Variants in ZNF148 observed in about 807,000 individuals in gnomAD.
ZNF148 encodes the protein zinc finger protein 148.
A neutral mutation model predicts 67.7 loss-of-function variants in ZNF148; 7 were observed. The ratio of observed to expected loss-of-function variants is 0.10; its 90% CI spans 0.06 to 0.19. The LOEUF (loss-of-function observed/expected upper bound fraction) is 0.19. Among genes scored for constraint, ZNF148 ranks in the 10% least tolerant of loss-of-function variants. The pLI is 1.00. For missense variants in ZNF148, 583 were observed against 947.1 expected (o/e 0.62, Z 5.05); for synonymous variants, 333 against 330.7 (o/e 1.01, Z -0.08).
chr3:125,246,684 C>T (rs981987230), intron 7 of ZNF148, among the ~76,000 whole-genome samples: 7 of 152,128 alleles, frequency 4.6e-5, no homozygotes, highest in African/African-American at 1.7e-4. Flanking sequence ...ATTGATTATA[C>T]GTACATACTG....
intron 7 of ZNF148, among the ~76,000 whole-genome samples, chr3:125,270,814 T>C (rs1403374608): frequency 1.3e-5 from 2 of 152,148 alleles, no homozygotes; most frequent in African/African-American, 2.4e-5. Context: ...AGGTGGAGGC[T>C]GCAGTGAGCT....
chr3:125,279,536 G>A (rs574849586), intron 5 of ZNF148, among the ~76,000 whole-genome samples: 139 of 152,228 alleles, frequency 9.1e-4, no homozygotes, highest in Middle Eastern at 3.4e-3. Context: ...GAGTTCCTAA[G>A]TCTTCAGTTA....
intron 3 of ZNF148, chr3:125,314,983 G>A (rs1940414310): frequency 6.6e-6 from 1 of 152,450 alleles, no homozygotes; most frequent in Non-Finnish European, 1.5e-5. Context: ...GATGGCTTGA[G>A]CCCAGGATGT....
intron 1 of ZNF148, among the ~76,000 whole-genome samples, chr3:125,364,598 C>T (rs932129288): frequency 1.3e-5 from 2 of 151,966 alleles, no homozygotes; most frequent in Non-Finnish European, 2.9e-5. Flanking sequence ...TCCACTTATA[C>T]AAAATTCAAA....
At chr3:125,240,721 G>A (rs749074518) in intron 7 of ZNF148, among the ~76,000 whole-genome samples, 8 of 149,650 alleles carry the variant, frequency 5.3e-5, no homozygotes, top group South Asian at 2.1e-4. Flanking sequence ...CTGTGATTGC[G>A]CCACTGCATT....
At chr3:125,264,567 T>A (rs1240035596) in intron 7 of ZNF148, among the ~76,000 whole-genome samples, 1 of 152,172 alleles carries the variant, frequency 6.6e-6, no homozygotes, top group Non-Finnish European at 1.5e-5. Flanking sequence ...AATTGACTAT[T>A]GATGTTGATA....
At chr3:125,363,616 T>G (rs1197860595) in intron 1 of ZNF148, among the ~76,000 whole-genome samples, 5 of 152,048 alleles carry the variant, frequency 3.3e-5, no homozygotes, top group Non-Finnish European at 1.5e-5. Flanking sequence ...CTCCTTTTAT[T>G]CCCACTATGA....
At chr3:125,338,421 A>C (rs1025703552) in intron 1 of ZNF148, among the ~76,000 whole-genome samples, 6 of 152,134 alleles carry the variant, frequency 3.9e-5, no homozygotes, top group Admixed American at 3.9e-4. Flanking sequence ...TGCCCACTTA[A>C]AAATTAAAGT....
intron 4 of ZNF148, among the ~76,000 whole-genome samples, chr3:125,289,496 G>A (rs901385643): frequency 1.3e-5 from 2 of 152,142 alleles, no homozygotes; most frequent in African/African-American, 2.4e-5. Flanking sequence ...TTCTGGCTTC[G>A]TTGGTATCAA....
In ZNF148 at chr3:125,230,630, T is replaced by C. The variant is rs1420501392; in HGVS notation, c.*1711A>G. The C allele has an allele frequency of 6.6e-6, 1 of 152,408 alleles. No individual in the cohort carries two copies. The highest frequency in any genetic ancestry group is 1.5e-5 in the Non-Finnish European group (1 of 67,956). 9.4% of individuals were successfully genotyped at this position (152,408 alleles called of 1,614,324 possible). A position where few individuals can be genotyped will look rare whatever the true frequency, so the allele number is the denominator to read the frequency against. On this transcript the variant is annotated 3_prime_UTR_variant, in exon 9 of 9. Transcript: ENST00000360647. ...TTATGAGAACAGTCTTGGGATAACA[T>C]TAAATAAAAGAAAAAATAATTTAAA...
chr3:125,290,640 A>G (rs562431595), intron 4 of ZNF148, among the ~76,000 whole-genome samples: 21 of 152,326 alleles, frequency 1.4e-4, no homozygotes, highest in African/African-American at 2.4e-4. Context: ...CTAAAATACT[A>G]TAACAAAAAC....
At chr3:125,342,067 CA>C (rs1254048821) in intron 1 of ZNF148, among the ~76,000 whole-genome samples, 6 of 150,810 alleles carry the variant, frequency 4.0e-5, no homozygotes, top group Non-Finnish European at 8.8e-5. Flanking sequence ...AGAATTCACC[CA>C]ATCTGAACAA....
chr3:125,242,091 G>A (rs1936390727), intron 7 of ZNF148, among the ~76,000 whole-genome samples: 1 of 152,114 alleles, frequency 6.6e-6, no homozygotes, highest in South Asian at 2.1e-4. Context: ...TAAGAAGGTT[G>A]GTCTTTTGTC....
intron 1 of ZNF148, among the ~76,000 whole-genome samples, chr3:125,350,369 T>G (rs1942099560): frequency 6.6e-6 from 1 of 152,212 alleles, no homozygotes. Context: ...TTCACCATGT[T>G]GGCCAGGCGG....
At chr3:125,314,406 T>C (rs927126546) in intron 3 of ZNF148, among the ~76,000 whole-genome samples, 1 of 152,214 alleles carries the variant, frequency 6.6e-6, no homozygotes, top group Non-Finnish European at 1.5e-5. Context: ...GTCAATACCA[T>C]AACGAAAATG....
chr3:125,342,148 C>T (rs1397670482), intron 1 of ZNF148, among the ~76,000 whole-genome samples: 6 of 148,746 alleles, frequency 4.0e-5, no homozygotes, highest in African/African-American at 7.5e-5. Context: ...AAAAATCCAA[C>T]ATTCACACCA....
intron 7 of ZNF148, among the ~76,000 whole-genome samples, chr3:125,244,464 T>C (rs1936505930): frequency 6.6e-6 from 1 of 151,780 alleles, no homozygotes. Flanking sequence ...CACACTCAGG[T>C]CACCAATACA....
chr3:125,350,265 A>G (rs1019979648), intron 1 of ZNF148, among the ~76,000 whole-genome samples: 1 of 152,126 alleles, frequency 6.6e-6, no homozygotes, highest in African/African-American at 2.4e-5. Context: ...GGTTCAAGTG[A>G]TTCTCCCAAC....
intron 1 of ZNF148, among the ~76,000 whole-genome samples, chr3:125,374,695 C>G (rs1451193817): frequency 6.6e-6 from 1 of 152,036 alleles, no homozygotes; most frequent in East Asian, 1.9e-4. Context: ...CTGAGGCCTG[C>G]GGTGCATAAA....
Sources: gnomAD v4.1 joint callset for allele counts (sites outside exome capture counted in the v4.1 genomes callset) on GRCh38, gnomAD v4.1.1 for gene constraint, MANE v1.5 for transcripts, NCBI Gene and HGNC (gene_info 2026-07-23, HGNC 2026-07-21) for gene names.